ENTPD5: variants seen among roughly 807,000 people sequenced by gnomAD.
ENTPD5 encodes the protein nucleoside diphosphate phosphatase ENTPD5.
ENTPD5 carries 49 observed loss-of-function variants against 60.2 expected under a neutral mutation model. The ratio of observed to expected loss-of-function variants is 0.81; its 90% confidence interval spans 0.65 to 1.03. The LOEUF (loss-of-function observed/expected upper bound fraction) is 1.03. Among genes scored for constraint, ENTPD5 ranks in the 50% least tolerant of loss-of-function variants. ENTPD5 has a pLI of 0.00. For missense variants in ENTPD5, 480 were observed against 507.6 expected, an observed-to-expected ratio of 0.95 and a Z score of 0.52; for synonymous variants, 187 against 185.4, an observed-to-expected ratio of 1.01 and a Z score of -0.07.
At chr14:73,972,254 A>G (rs1001021264) in intron 13 of ENTPD5, among the ~76,000 whole-genome samples, 2 of 152,048 alleles carry the variant, frequency 1.3e-5, no homozygotes, top group Non-Finnish European at 2.9e-5. Context: ...GGCACCTGTA[A>G]TCCCAGCTAC....
chr14:73,967,809 A>G (rs2057046971), intron 15 of ENTPD5, among the ~76,000 whole-genome samples: 1 of 150,706 alleles, frequency 6.6e-6, no homozygotes, highest in African/African-American at 2.4e-5. Flanking sequence ...CAAAAAAAAA[A>G]AAAAAAAAGA....
intron 3 of ENTPD5, among the ~76,000 whole-genome samples, chr14:73,993,119 T>C (rs1251330558): frequency 1.3e-5 from 2 of 152,096 alleles, no homozygotes; most frequent in African/African-American, 2.4e-5. Context: ...AGTGGATTGT[T>C]TGAGGTCAGG....
At chr14:74,005,364 C>CAAAAAAAAA (rs35560902) in intron 3 of ENTPD5, among the ~76,000 whole-genome samples, 20 of 117,090 alleles carry the variant, frequency 1.7e-4, no homozygotes, top group Middle Eastern at 4.6e-3. Context: ...GACTCGGTCT[C>CAAAAAAAAA]AAAAAAAAAG....
At chr14:74,000,087 CA>C (rs34536315) in intron 3 of ENTPD5, among the ~76,000 whole-genome samples, 14,371 of 75,910 alleles carry the variant, frequency 0.19, 852 homozygotes, top group Admixed American at 0.3. Context: ...GACTCCATCT[CA>C]AAAAAAAAAA....
intron 3 of ENTPD5, among the ~76,000 whole-genome samples, chr14:73,990,015 T>A (rs571072094): frequency 4.0e-5 from 6 of 151,210 alleles, no homozygotes; most frequent in Admixed American, 6.6e-5. Context: ...TCAAAAAAAA[T>A]AAATAAATAT....
chr14:73,957,597 C>T (rs914470791), downstream of ENTPD5, among the ~76,000 whole-genome samples: 1 of 152,102 alleles, frequency 6.6e-6, no homozygotes, highest in African/African-American at 2.4e-5. Flanking sequence ...ACCATCACGC[C>T]TGGTTAATTT....
intron 1 of ENTPD5, among the ~76,000 whole-genome samples, chr14:74,018,309 A>T (rs2059121759): frequency 6.6e-6 from 1 of 152,216 alleles, no homozygotes; most frequent in Non-Finnish European, 1.5e-5. Flanking sequence ...TAGAGGTCAA[A>T]GACATCGGGA....
chr14:73,977,484 A>G, intron 6 of ENTPD5, 110 bp from the exon 7 acceptor site: 1 of 843,036 alleles, frequency 1.2e-6, no homozygotes. Context: ...TTTTTCCTAG[A>G]TAAAATTTTG....
chr14:73,983,406 T>C (rs1023595769), intron 5 of ENTPD5, among the ~76,000 whole-genome samples: 4 of 152,098 alleles, frequency 2.6e-5, no homozygotes, highest in African/African-American at 9.7e-5. Context: ...GTGGATCATT[T>C]GAGGTCAGGA....
downstream of ENTPD5, chr14:73,958,154 G>A: frequency 6.2e-7 from 1 of 1,613,914 alleles, no homozygotes; most frequent in South Asian, 1.1e-5. Context: ...CAGACCGAGT[G>A]ACGGTTCTCT....
At chr14:73,998,999 T>G (rs1029720779) in intron 3 of ENTPD5, among the ~76,000 whole-genome samples, 6 of 152,110 alleles carry the variant, frequency 3.9e-5, no homozygotes, top group Non-Finnish European at 8.8e-5. Flanking sequence ...GGTAGTTACA[T>G]GTAAGGACTG....
chr14:73,972,529 T>C (rs987202148), intron 13 of ENTPD5, among the ~76,000 whole-genome samples: 3 of 152,186 alleles, frequency 2.0e-5, no homozygotes, highest in Admixed American at 2.0e-4. Context: ...AGAAGAAAAG[T>C]TATAAAGAGA....
intron 6 of ENTPD5, among the ~76,000 whole-genome samples, chr14:73,981,900 AT>A (rs1271323053): frequency 6.6e-6 from 1 of 152,204 alleles, no homozygotes; most frequent in African/African-American, 2.4e-5. Flanking sequence ...AAAAATAAAA[AT>A]AAAAACTGTA....
chr14:73,996,298 T>C (rs1219529653), intron 3 of ENTPD5: 4 of 516,100 alleles, frequency 7.8e-6, no homozygotes, highest in Non-Finnish European at 1.0e-5. Flanking sequence ...TCCCTTACTC[T>C]CTTTTTCTCT....
At position 73,993,855 on chromosome 14, in the gene ENTPD5, T is replaced by C. The variant is rs921599643; in HGVS notation, c.-70-5683A>G. 3.3e-5 allele frequency among the ~76,000 whole-genome samples: 5 copies of C among 152,198 alleles called. No individual in the cohort carries two copies. The East Asian group carries it at 5.8e-4, about 18-fold the overall frequency. The stretch of plus-strand genomic sequence containing the variant: ...GCTTCTATTTCTATTAAGTAAATAT[T>C]TGTTTTTCTTCCAGAGATTTCAAAG... On this transcript the variant is annotated intron_variant, in intron 3 of 15. Coordinates refer to ENST00000334696, the MANE Select transcript of ENTPD5 (RefSeq NM_001249.5).
intron 3 of ENTPD5, among the ~76,000 whole-genome samples, chr14:74,006,145 A>T (rs4903169): frequency 1.3e-5 from 2 of 151,518 alleles, no homozygotes; most frequent in Non-Finnish European, 2.9e-5. Context: ...TACACCACCA[A>T]GCCCAGCAAA....
intron 3 of ENTPD5, among the ~76,000 whole-genome samples, chr14:74,002,308 A>C (rs2058535856): frequency 3.3e-5 from 5 of 152,184 alleles, no homozygotes. Context: ...TGGAAAAGAC[A>C]GATATGGGAG....
rs925782581 is a variant in ENTPD5, at chr14:74,019,272, G to T, written c.-260C>A. On this transcript the variant is annotated 5_prime_UTR_variant, in exon 1 of 16. Transcript: ENST00000334696. ...CACCGCGCGCGCGCCACCCTTGCGC[G>T]GCAGCCCGCCGCCCTCGGCGCGACC... 1 of 377,628 alleles carries T rather than the reference G, an allele frequency of 2.6e-6. No individual in the cohort carries two copies. The highest frequency in any genetic ancestry group is 3.7e-6 in the Non-Finnish European group (1 of 270,642). 23.4% of individuals were successfully genotyped at this position (377,628 alleles called of 1,614,324 possible).
intron 13 of ENTPD5, 41 bp from the exon 14 acceptor site, chr14:73,971,949 C>G: frequency 8.2e-7 from 1 of 1,213,196 alleles, no homozygotes; most frequent in Non-Finnish European, 1.2e-6. Flanking sequence ...AAAACGCCTT[C>G]AAGGAAGCAT....
Sources: allele counts gnomAD v4.1 joint callset (sites outside exome capture counted in the v4.1 genomes callset), GRCh38; gene constraint gnomAD v4.1.1; transcripts MANE v1.5; gene names NCBI Gene and HGNC (gene_info 2026-07-23, HGNC 2026-07-21).